Variants in KLHL1 observed in about 807,000 individuals in gnomAD.
The protein encoded by KLHL1 is kelch-like protein 1.
A neutral mutation model predicts 77.7 loss-of-function variants in KLHL1; 47 were observed. The observed-to-expected ratio is 0.60, with a 90% CI of 0.48 to 0.77. KLHL1 has a LOEUF of 0.77. Ranked by LOEUF, KLHL1 falls within the 30% of genes least tolerant of loss-of-function variation. The pLI is 0.00. For synonymous variants in KLHL1, 360 were observed against 325.2 expected (o/e 1.11, Z -1.15); for missense variants, 925 against 910.8 (o/e 1.02, Z -0.20).
At chr13:70,036,966 A>T (rs1886256095) in intron 1 of KLHL1, among the ~76,000 whole-genome samples, 1 of 150,840 alleles carries the variant, frequency 6.6e-6, no homozygotes, top group Non-Finnish European at 1.5e-5. Context: ...CGAGATAATA[A>T]TCCATTTCCC....
rs115943222 is a variant in KLHL1, at chr13:69,730,654, C to A, written c.1802+9740G>T. ...AGGTGGCATGATCACAGCTCACTAG[C>A]CTCAACTTCCTGATTCAAGTAATCC... On this transcript the variant is annotated intron_variant, in intron 8 of 10. Coordinates refer to ENST00000377844, the MANE Select transcript of KLHL1 (RefSeq NM_020866.3). Among the ~76,000 whole-genome samples the A allele has an allele frequency of 4.6e-3, 695 of 152,128 alleles. 4 individuals carry two copies. The highest frequency in any genetic ancestry group is 0.016 in the African/African-American group (652 of 41,520).
Position 69,855,339 on chromosome 13 carries a change from GAT to G in KLHL1, c.1228-16179_1228-16178del, listed in dbSNP as rs1879855078. 6.4e-5 allele frequency among the ~76,000 whole-genome samples: 5 copies of G among 78,324 alleles called. No individual in the cohort carries two copies. In the South Asian group the frequency reaches 1.7e-3, roughly 27 times the overall value. 51.4% of individuals were successfully genotyped at this position (78,324 alleles called of 152,430 possible). A position where few individuals can be genotyped will look rare whatever the true frequency, so the allele number is the denominator to read the frequency against. ...AGATAGATAGATAGATAGATAGATAGATAGATAGACAGACAGATAGATACATA... is the reference window on the plus strand; with the variant it reads ...AGATAGATAGATAGATAGATAGATAGAGATAGACAGACAGATAGATACATA... On this transcript the variant is annotated intron_variant, in intron 5 of 10. Transcript: ENST00000377844.
intron 3 of KLHL1, among the ~76,000 whole-genome samples, chr13:69,958,738 TA>T (rs59683172): frequency 0.12 from 17,401 of 145,970 alleles, 1,453 homozygotes; most frequent in East Asian, 0.29. Flanking sequence ...ACCTTAAAAT[TA>T]AAAAAAAAAA....
At chr13:69,744,841 G>A (rs972723791) in intron 7 of KLHL1, among the ~76,000 whole-genome samples, 2 of 151,968 alleles carry the variant, frequency 1.3e-5, no homozygotes, top group Non-Finnish European at 2.9e-5. Flanking sequence ...TTATTACAGT[G>A]TATGATTATG....
At chr13:69,750,327 T>C (rs1333810089) in intron 7 of KLHL1, among the ~76,000 whole-genome samples, 2 of 151,828 alleles carry the variant, frequency 1.3e-5, no homozygotes, top group East Asian at 3.9e-4. Flanking sequence ...CAGATAGTTT[T>C]ACTTCAGAAA....
intron 2 of KLHL1, among the ~76,000 whole-genome samples, chr13:69,972,956 T>C (rs1243981579): frequency 6.6e-6 from 1 of 151,984 alleles, no homozygotes; most frequent in Non-Finnish European, 1.5e-5. Context: ...TTCAAGGATT[T>C]ACATTCAAAT....
intron 4 of KLHL1, among the ~76,000 whole-genome samples, chr13:69,893,390 G>A (rs1204079341): frequency 3.3e-5 from 5 of 151,602 alleles, no homozygotes; most frequent in Non-Finnish European, 5.9e-5. Context: ...GCCCGCCACC[G>A]CGCCTGGCTA....
At chr13:69,789,822 G>A (rs1450073399) in intron 7 of KLHL1, among the ~76,000 whole-genome samples, 4 of 152,056 alleles carry the variant, frequency 2.6e-5, no homozygotes, top group Non-Finnish European at 4.4e-5. Flanking sequence ...AAGCAAAGAA[G>A]GAAAGAAAGA....
At chr13:69,931,458 C>T (rs971409429) in intron 4 of KLHL1, among the ~76,000 whole-genome samples, 5 of 151,686 alleles carry the variant, frequency 3.3e-5, no homozygotes, top group African/African-American at 1.2e-4. Context: ...AAATAAGCTC[C>T]CAACCTAAAG....
intron 7 of KLHL1, among the ~76,000 whole-genome samples, chr13:69,786,997 A>G (rs569898230): frequency 2.6e-5 from 4 of 152,306 alleles, no homozygotes; most frequent in Admixed American, 6.5e-5. Flanking sequence ...ACACTGCTCA[A>G]TGAAATAAAA....
At chr13:70,052,413 AAG>A (rs1331181847) in intron 1 of KLHL1, among the ~76,000 whole-genome samples, 1 of 151,942 alleles carries the variant, frequency 6.6e-6, no homozygotes, top group Non-Finnish European at 1.5e-5. Flanking sequence ...ATACCAAAGA[AAG>A]AGACATCTGT....
intron 5 of KLHL1, among the ~76,000 whole-genome samples, chr13:69,881,911 T>C (rs1593914250): frequency 6.6e-6 from 1 of 150,884 alleles, no homozygotes; most frequent in Non-Finnish European, 1.5e-5. Flanking sequence ...TATTGCATCT[T>C]ATATCAAATA....
intron 1 of KLHL1, among the ~76,000 whole-genome samples, chr13:69,980,222 T>A (rs563824665): frequency 6.6e-6 from 1 of 152,328 alleles, no homozygotes; most frequent in Non-Finnish European, 1.5e-5. Flanking sequence ...AGTTAGTTAC[T>A]TCCTCAAGGA....
rs540437286 is a variant in KLHL1 at position 69,923,512 on chromosome 13, T to A, written c.1014+16528A>T. On this transcript the variant is annotated intron_variant, in intron 4 of 10. Transcript: ENST00000377844. ...TCAAAAAATTACATTCTTAAGATGC[T>A]TTTATTTATACTTATTATTTTTAAA... 2.6e-5 allele frequency among the ~76,000 whole-genome samples: 4 copies of A among 152,318 alleles called. No homozygotes were observed. In the South Asian group the frequency reaches 8.3e-4, roughly 32 times the overall value.
At chr13:69,806,107 G>A (rs375497641) in intron 6 of KLHL1, among the ~76,000 whole-genome samples, 24 of 152,112 alleles carry the variant, frequency 1.6e-4, no homozygotes, top group East Asian at 9.7e-4. Context: ...GTGGTTATAC[G>A]CATCAATGGA....
chr13:69,734,059 GC>G (rs1210770730), intron 8 of KLHL1, among the ~76,000 whole-genome samples: 1 of 152,094 alleles, frequency 6.6e-6, no homozygotes, highest in Non-Finnish European at 1.5e-5. Context: ...GGAATGTACA[GC>G]CCAGTGCTGG....
rs968821024 is a variant in KLHL1, at chr13:69,701,486, C to T, written c.*216G>A. ...TTACCAATAACCATTCCCGAACTAACTAACATATGGCCAGACATTTTTCCT... is the reference window on the plus strand; with the variant it reads ...TTACCAATAACCATTCCCGAACTAATTAACATATGGCCAGACATTTTTCCT... On this transcript the variant is annotated 3_prime_UTR_variant, in exon 11 of 11. Coordinates refer to ENST00000377844, the MANE Select transcript of KLHL1 (RefSeq NM_020866.3). 2.1e-5 allele frequency: 10 copies of T among 472,916 alleles called. No homozygotes were observed. The highest frequency in any genetic ancestry group is 1.4e-4 in the African/African-American group (7 of 48,696). 29.3% of individuals were successfully genotyped at this position (472,916 alleles called of 1,614,324 possible). A position where few individuals can be genotyped will look rare whatever the true frequency, so the allele number is the denominator to read the frequency against.
chr13:69,836,677 A>G (rs555506705), intron 6 of KLHL1, among the ~76,000 whole-genome samples: 22 of 152,202 alleles, frequency 1.4e-4, no homozygotes, highest in South Asian at 6.2e-4. Context: ...CAGAGCATCT[A>G]TGTATTTTCT....
intron 3 of KLHL1, among the ~76,000 whole-genome samples, chr13:69,957,251 A>T (rs374535455): frequency 6.6e-6 from 1 of 151,722 alleles, no homozygotes; most frequent in East Asian, 1.9e-4. Context: ...CAACAAGTAG[A>T]TAGTGATACA....
Sources: gnomAD v4.1 joint callset for allele counts (sites outside exome capture counted in the v4.1 genomes callset) on GRCh38, gnomAD v4.1.1 for gene constraint, MANE v1.5 for transcripts, NCBI Gene and HGNC (gene_info 2026-07-23, HGNC 2026-07-21) for gene names.